Variants in ARHGEF26 observed in about 807,000 individuals in gnomAD.
The protein encoded by ARHGEF26 is Rho guanine nucleotide exchange factor (GEF) 26.
ARHGEF26 carries 59 observed loss-of-function variants against 89.4 expected under a neutral mutation model. The observed-to-expected ratio is 0.66, with a 90% CI of 0.54 to 0.82. The LOEUF is 0.82. ARHGEF26 is among the 40% of genes least tolerant of loss of function. The pLI is 0.00. For synonymous variants in ARHGEF26, 500 were observed against 428.4 expected (o/e 1.17, Z -2.06); for missense variants, 1,234 against 1,085.6 (o/e 1.14, Z -1.92).
intron 9 of ARHGEF26, among the ~76,000 whole-genome samples, chr3:154,195,977 C>T (rs17722535): frequency 0.026 from 3,955 of 151,922 alleles, 73 homozygotes; most frequent in Admixed American, 0.039. Flanking sequence ...GAAGGAAAAC[C>T]GTAATAGCTT....
chr3:154,251,984 A>G (rs1718185791), intron 12 of ARHGEF26, among the ~76,000 whole-genome samples: 2 of 152,156 alleles, frequency 1.3e-5, no homozygotes. Context: ...GGGCTTATCT[A>G]CGCAAAAACA....
intron 10 of ARHGEF26, among the ~76,000 whole-genome samples, chr3:154,224,356 G>A (rs1716333807): frequency 6.6e-6 from 1 of 152,078 alleles, no homozygotes; most frequent in African/African-American, 2.4e-5. Context: ...ATTTAGTTTT[G>A]CCCCTAGTGG....
At chr3:154,197,508 A>AT (rs1211216988) in intron 9 of ARHGEF26, among the ~76,000 whole-genome samples, 3 of 152,264 alleles carry the variant, frequency 2.0e-5, no homozygotes, top group Non-Finnish European at 2.9e-5. Flanking sequence ...TTAGAACCAG[A>AT]TGCTGCCTTA....
intron 6 of ARHGEF26, among the ~76,000 whole-genome samples, chr3:154,183,064 T>C (rs1181721783): frequency 5.9e-5 from 9 of 152,092 alleles, no homozygotes; most frequent in Non-Finnish European, 1.3e-4. Flanking sequence ...TCCTGGGAGG[T>C]GGACCTTATA....
chr3:154,175,716 G>A (rs1020514238), intron 6 of ARHGEF26, among the ~76,000 whole-genome samples: 2 of 152,112 alleles, frequency 1.3e-5, no homozygotes, highest in Non-Finnish European at 2.9e-5. Flanking sequence ...ACGGAAGGAG[G>A]GTGTTTTAGT....
chr3:154,250,733 T>C (rs1471307442), intron 12 of ARHGEF26, among the ~76,000 whole-genome samples: 1 of 152,218 alleles, frequency 6.6e-6, no homozygotes, highest in Non-Finnish European at 1.5e-5. Flanking sequence ...GAGACACAAA[T>C]GGATCATTTT....
At chr3:154,192,916 G>A (rs1714039118) in intron 8 of ARHGEF26, among the ~76,000 whole-genome samples, 1 of 152,112 alleles carries the variant, frequency 6.6e-6, no homozygotes, top group Admixed American at 6.5e-5. Flanking sequence ...TGATGGCCAA[G>A]CCTTTTATAT....
At chr3:154,125,104 C>T (rs1486373599) in intron 3 of ARHGEF26, among the ~76,000 whole-genome samples, 2 of 152,046 alleles carry the variant, frequency 1.3e-5, no homozygotes, top group Non-Finnish European at 2.9e-5. Flanking sequence ...AGCTGTAGCA[C>T]TTGTTGGGCT....
intron 6 of ARHGEF26, among the ~76,000 whole-genome samples, chr3:154,166,347 G>A (rs1465755169): frequency 6.6e-6 from 1 of 152,156 alleles, no homozygotes; most frequent in Non-Finnish European, 1.5e-5. Context: ...ACTGTGCCCA[G>A]CCAGTATTTA....
In ARHGEF26 at chr3:154,217,850, T is replaced by C; in HGVS notation, c.1846-19T>C. ...TCTCTCCTTGACCTTTAACCCTCGT[T>C]ACTCTTCTGTGTTCCCAGTTGGTTC... On this transcript the variant is annotated intron_variant, in intron 9 of 14. Coordinates refer to ENST00000465093, the MANE Select transcript of ARHGEF26 (RefSeq NM_015595.4). The C allele has an allele frequency of 6.3e-7, 1 of 1,575,884 alleles. No individual in the cohort carries two copies. Among genetic ancestry groups the C allele is most frequent in the Non-Finnish European group, 8.6e-7 (1 of 1,158,124 alleles).
intron 10 of ARHGEF26, 145 bp downstream of exon 10, chr3:154,218,103 C>A: frequency 1.4e-6 from 1 of 720,956 alleles, no homozygotes; most frequent in Non-Finnish European, 2.3e-6. Flanking sequence ...ATGCTTCAGG[C>A]AATTTTGCTT....
chr3:154,196,565 A>T lies in ARHGEF26; in HGVS notation c.1845+1847A>T, dbSNP rs371279156. 9.9e-5 allele frequency among the ~76,000 whole-genome samples: 15 copies of T among 152,278 alleles called. 2 individuals are homozygous for T. Among genetic ancestry groups the T allele is most frequent in the Admixed American group, 2.0e-4 (3 of 15,284 alleles). ...TAATATTTACAAAATCATGGGTTTT[A>T]TTAGTTGTTTATTTTTCTAACATTT... On this transcript the variant is annotated intron_variant, in intron 9 of 14. Coordinates refer to ENST00000465093, the MANE Select transcript of ARHGEF26 (RefSeq NM_015595.4).
At chr3:154,147,347 G>C (rs1171749968) in intron 4 of ARHGEF26, among the ~76,000 whole-genome samples, 1 of 152,158 alleles carries the variant, frequency 6.6e-6, no homozygotes, top group Non-Finnish European at 1.5e-5. Context: ...GAAGGTGGAG[G>C]CTGCAGTGAG....
chr3:154,146,999 A>G (rs996819688), intron 4 of ARHGEF26, among the ~76,000 whole-genome samples: 7 of 152,236 alleles, frequency 4.6e-5, no homozygotes, highest in African/African-American at 1.7e-4. Context: ...CCAGTGAGGA[A>G]TAAGAAAGTT....
intron 3 of ARHGEF26, 65 bp downstream of exon 3, chr3:154,124,514 A>C (rs751003628): frequency 2.0e-5 from 27 of 1,375,904 alleles, no homozygotes; most frequent in Admixed American, 3.0e-5. Flanking sequence ...ATAAGTTGAA[A>C]TCCAACTGCA....
intron 4 of ARHGEF26, among the ~76,000 whole-genome samples, chr3:154,136,626 A>G (rs1300113638): frequency 2.6e-5 from 4 of 152,256 alleles, no homozygotes; most frequent in Non-Finnish European, 4.4e-5. Context: ...ACTATTTTCT[A>G]GTAAAAATCA....
At chr3:154,191,186 A>G in intron 7 of ARHGEF26, 103 bp from the exon 8 acceptor site, 1 of 1,238,490 alleles carries the variant, frequency 8.1e-7, no homozygotes, top group Non-Finnish European at 1.1e-6. Flanking sequence ...AAAATAGTTG[A>G]TGCTATATGG....
chr3:154,214,057 A>G (rs974461129), intron 9 of ARHGEF26, among the ~76,000 whole-genome samples: 2 of 152,144 alleles, frequency 1.3e-5, no homozygotes, highest in African/African-American at 4.8e-5. Flanking sequence ...GGATGTTCAG[A>G]CAGGGAAACA....
chr3:154,225,814 T>C, intron 10 of ARHGEF26, 42 bp from the exon 11 acceptor site: 1 of 1,556,492 alleles, frequency 6.4e-7, no homozygotes. Flanking sequence ...CTTAAAAGGA[T>C]TTCAATTTAG....
Sources: allele counts gnomAD v4.1 joint callset (sites outside exome capture counted in the v4.1 genomes callset), GRCh38; gene constraint gnomAD v4.1.1; transcripts MANE v1.5; gene names NCBI Gene and HGNC (gene_info 2026-07-23, HGNC 2026-07-21).